MYRIP: variants seen among roughly 807,000 people sequenced by gnomAD.
The protein encoded by MYRIP is rab effector MyRIP.
Under a neutral mutation model 98.0 loss-of-function variants are expected in MYRIP, and 49 were observed. That is an observed-to-expected ratio of 0.50 (90% CI 0.40 to 0.63). MYRIP has a LOEUF of 0.63. MYRIP is among the 30% of genes least tolerant of loss of function. The pLI is 0.00. For synonymous variants in MYRIP, 404 were observed against 409.5 expected, an observed-to-expected ratio of 0.99 and a Z score of 0.16; for missense variants, 1,004 against 1,058.2, an observed-to-expected ratio of 0.95 and a Z score of 0.71.
intron 3 of MYRIP, among the ~76,000 whole-genome samples, chr3:40,114,324 A>G (rs2125904604): frequency 6.6e-6 from 1 of 152,348 alleles, no homozygotes; most frequent in East Asian, 1.9e-4. Flanking sequence ...AATAGGCCAT[A>G]CCATGTAGCC....
At chr3:40,179,324 C>T (rs1221162287) in intron 8 of MYRIP, among the ~76,000 whole-genome samples, 2 of 152,160 alleles carry the variant, frequency 1.3e-5, no homozygotes. Context: ...TAGTGTGGAA[C>T]ACTGATTTGC....
At chr3:40,046,727 T>C (rs1947676153) in intron 3 of MYRIP, among the ~76,000 whole-genome samples, 1 of 151,660 alleles carries the variant, frequency 6.6e-6, no homozygotes, top group Admixed American at 6.6e-5. Context: ...GTGTGAAGAA[T>C]TGGCGTTTGA....
intron 15 of MYRIP, among the ~76,000 whole-genome samples, chr3:40,251,432 G>C (rs554318259): frequency 2.0e-4 from 31 of 152,274 alleles, no homozygotes; most frequent in African/African-American, 7.5e-4. Context: ...ATGGCATCTA[G>C]GCAGCATCTG....
chr3:40,038,291 G>C (rs998626269), intron 2 of MYRIP, among the ~76,000 whole-genome samples: 1 of 152,038 alleles, frequency 6.6e-6, no homozygotes. Flanking sequence ...TAAATGCATA[G>C]ATTAGGAAAG....
At chr3:39,852,257 G>A (rs920648607) in intron 1 of MYRIP, among the ~76,000 whole-genome samples, 11 of 152,206 alleles carry the variant, frequency 7.2e-5, no homozygotes, top group African/African-American at 2.7e-4. Context: ...ACAGCACACA[G>A]CTTCACCTGA....
At chr3:39,874,121 C>G (rs1448013883) in intron 1 of MYRIP, among the ~76,000 whole-genome samples, 4 of 151,836 alleles carry the variant, frequency 2.6e-5, no homozygotes, top group African/African-American at 7.3e-5. Flanking sequence ...GGAGTTCACT[C>G]ATGATTTGGC....
At chr3:39,858,164 A>G (rs1942361741) in intron 1 of MYRIP, among the ~76,000 whole-genome samples, 1 of 152,188 alleles carries the variant, frequency 6.6e-6, no homozygotes, top group Non-Finnish European at 1.5e-5. Flanking sequence ...CTTTAGCTTT[A>G]GGGACACACA....
chr3:39,872,625 A>C lies in MYRIP; in HGVS notation c.-30-28162A>C, dbSNP rs569844400. ...TCCTTGCGATAGTTTACTGAGAATG[A>C]TGATTTCCAATTTCATCCATGTCCC... is the stretch of plus-strand genomic sequence containing the variant. On this transcript the variant is annotated intron_variant, in intron 1 of 16. Transcript: ENST00000302541. Among the ~76,000 whole-genome samples the C allele has an allele frequency of 9.2e-3, 1,390 of 151,726 alleles. 26 individuals carry two copies. The highest frequency in any genetic ancestry group is 0.032 in the African/African-American group (1,315 of 41,340).
At position 40,168,180 on chromosome 3, in the gene MYRIP, C is replaced by T. The variant is rs151272031; in HGVS notation, c.729+941C>T. 3.3e-3 allele frequency among the ~76,000 whole-genome samples: 502 copies of T among 152,330 alleles called. 13 individuals carry two copies. The highest frequency in any genetic ancestry group is 0.028 in the Admixed American group (436 of 15,310). On this transcript the variant is annotated intron_variant, in intron 7 of 16. Coordinates refer to ENST00000302541, the MANE Select transcript of MYRIP (RefSeq NM_015460.4). ...TTGTTAGTGTAACAGACACTCCTATCACTCAAATAATTGCAAAGGTTTTTG... is the reference window on the plus strand; with the variant it reads ...TTGTTAGTGTAACAGACACTCCTATTACTCAAATAATTGCAAAGGTTTTTG...
In MYRIP at chr3:40,210,101, C is replaced by T; in HGVS notation, c.1905+8C>T. The T allele has an allele frequency of 6.2e-7, 1 of 1,612,764 alleles. No homozygotes were observed. Among genetic ancestry groups the T allele is most frequent in the Non-Finnish European group, 8.5e-7 (1 of 1,179,466 alleles). ...CAGGAAGAGCTGAAGAAGGTAAGGG[C>T]TGTGAAGCCACCTGCAGACAGCTCA... On this transcript the variant is annotated splice_region_variant and intron_variant, in intron 11 of 16. Coordinates refer to ENST00000302541, the MANE Select transcript of MYRIP (RefSeq NM_015460.4).
chr3:40,096,924 A>G (rs1299293711), intron 3 of MYRIP, among the ~76,000 whole-genome samples: 2 of 152,236 alleles, frequency 1.3e-5, no homozygotes, highest in Non-Finnish European at 2.9e-5. Flanking sequence ...TGGGTGAAGC[A>G]AAACGCTCCG....
At chr3:40,247,507 C>T (rs997289117) in intron 13 of MYRIP, among the ~76,000 whole-genome samples, 7 of 152,018 alleles carry the variant, frequency 4.6e-5, no homozygotes, top group African/African-American at 1.2e-4. Context: ...ATCCAAATTT[C>T]GTGACCTCAT....
intron 2 of MYRIP, among the ~76,000 whole-genome samples, chr3:39,946,313 A>G (rs1040707424): frequency 2.0e-5 from 3 of 152,186 alleles, no homozygotes; most frequent in African/African-American, 7.2e-5. Flanking sequence ...GCAGAATGTT[A>G]CAATGGGCCT....
intron 2 of MYRIP, among the ~76,000 whole-genome samples, chr3:40,016,385 G>A (rs941069150): frequency 6.6e-5 from 10 of 152,072 alleles, no homozygotes; most frequent in South Asian, 4.2e-4. Flanking sequence ...TCAACCAGTC[G>A]TCCTCCACCA....
At chr3:39,957,401 C>A (rs940305162) in intron 2 of MYRIP, among the ~76,000 whole-genome samples, 2 of 149,070 alleles carry the variant, frequency 1.3e-5, no homozygotes, top group African/African-American at 5.2e-5. Flanking sequence ...CGTAATCCAT[C>A]ATATAAACAG....
Position 40,139,839 on chromosome 3 carries a change from C to T in MYRIP, c.333-11209C>T, listed in dbSNP as rs546669891. Among the ~76,000 whole-genome samples the T allele has an allele frequency of 2.0e-5, 3 of 152,320 alleles. No individual in the cohort carries two copies. In the South Asian group the frequency reaches 6.2e-4, roughly 32 times the overall value. On this transcript the variant is annotated intron_variant, in intron 3 of 16. Transcript: ENST00000302541. The stretch of plus-strand genomic sequence containing the variant: ...AAGTGATCCACCCATCTCAGCCTCC[C>T]AAAGTGCTGGGATTACAGATGTGAG...
chr3:39,854,184 G>A (rs1484755251), intron 1 of MYRIP, among the ~76,000 whole-genome samples: 1 of 152,084 alleles, frequency 6.6e-6, no homozygotes, highest in African/African-American at 2.4e-5. Context: ...TTAAAGTTAG[G>A]TAATGTGATC....
At chr3:40,224,940 G>A (rs74579709) in intron 11 of MYRIP, among the ~76,000 whole-genome samples, 5,911 of 152,264 alleles carry the variant, frequency 0.039, 147 homozygotes, top group Middle Eastern at 0.068. Context: ...GGGTTTTAGC[G>A]GCATTGCTGG....
chr3:39,992,552 G>A (rs1175557266), intron 2 of MYRIP, among the ~76,000 whole-genome samples: 1 of 152,210 alleles, frequency 6.6e-6, no homozygotes, highest in African/African-American at 2.4e-5. Context: ...CCATCTGAAT[G>A]TACTACCGAC....
Sources: gnomAD v4.1 joint callset for allele counts (sites outside exome capture counted in the v4.1 genomes callset) on GRCh38, gnomAD v4.1.1 for gene constraint, MANE v1.5 for transcripts, NCBI Gene and HGNC (gene_info 2026-07-23, HGNC 2026-07-21) for gene names.